Variants in RAB31 observed in about 807,000 individuals in gnomAD.
RAB31 encodes the protein ras-related protein Rab-31.
Under a neutral mutation model 25.6 loss-of-function variants are expected in RAB31, and 21 were observed. That is an observed-to-expected ratio of 0.82 (90% CI 0.58 to 1.18). The LOEUF (loss-of-function observed/expected upper bound fraction) is 1.18. RAB31 is among the 50% of genes most tolerant of loss of function. RAB31 has a pLI of 0.00. For missense variants in RAB31, 196 were observed against 250.1 expected (o/e 0.78, Z 1.46); for synonymous variants, 87 against 84.0 (o/e 1.04, Z -0.20).
chr18:9,796,266 A>G (rs1206185823), intron 3 of RAB31, among the ~76,000 whole-genome samples: 1 of 152,128 alleles, frequency 6.6e-6, no homozygotes, highest in African/African-American at 2.4e-5. Flanking sequence ...AAAACTACAC[A>G]CTGGGTACAG....
chr18:9,813,171 T>G (rs959024285), intron 3 of RAB31, among the ~76,000 whole-genome samples: 2 of 152,226 alleles, frequency 1.3e-5, no homozygotes, highest in Non-Finnish European at 2.9e-5. Context: ...GCTCCTCTGC[T>G]GTCTTGTCAT....
At position 9,832,031 on chromosome 18, in the gene RAB31, T is replaced by C. The variant is rs117474726; in HGVS notation, c.381-13551T>C. 2.6e-3 allele frequency among the ~76,000 whole-genome samples: 393 copies of C among 152,296 alleles called. 8 individuals carry two copies. In the East Asian group the frequency reaches 0.059, roughly 23 times the overall value. ...CCCCTGTGGACGGCAGTGCTAGTGA[T>C]GGACAGAATCCTGGGACTAGTGCCA... is the stretch of plus-strand genomic sequence containing the variant. On this transcript the variant is annotated intron_variant, in intron 5 of 6. Coordinates refer to ENST00000578921, the MANE Select transcript of RAB31 (RefSeq NM_006868.4).
intron 3 of RAB31, among the ~76,000 whole-genome samples, chr18:9,811,340 C>T (rs1397228445): frequency 1.3e-5 from 2 of 152,224 alleles, no homozygotes; most frequent in Non-Finnish European, 2.9e-5. Context: ...TTCCTTTCCA[C>T]ACTATTGTGA....
At chr18:9,720,837 G>T (rs185425063) in intron 1 of RAB31, among the ~76,000 whole-genome samples, 1 of 152,284 alleles carries the variant, frequency 6.6e-6, no homozygotes, top group East Asian at 1.9e-4. Flanking sequence ...CACTGGTAAT[G>T]AAATTGGAAA....
chr18:9,708,343 GGGCGCGGGCGC>G lies in RAB31; in HGVS notation c.-58_-48del. On this transcript the variant is annotated 5_prime_UTR_variant, in exon 1 of 7. Transcript: ENST00000578921. The surrounding 1 kb of genome is among the most constrained non-coding windows in gnomAD (Gnocchi z 6.4). ...GGGGCAGAGGCGAGAGACGCCGGCG[GGGCGCGGGCGC>G]GGCGGCCCCGGAGGATGCTGCTGAG... is the stretch of plus-strand genomic sequence containing the variant. 2 of 1,339,938 alleles carry G rather than the reference GGGCGCGGGCGC, an allele frequency of 1.5e-6. No individual in the cohort carries two copies. The highest frequency in any genetic ancestry group is 3.0e-5 in the African/African-American group (2 of 66,050). The allele number at this position is 1,339,938 out of a possible 1,614,324, so 83.0% of individuals were successfully genotyped here. A position where few individuals can be genotyped will look rare whatever the true frequency, so the allele number is the denominator to read the frequency against.
intron 2 of RAB31, among the ~76,000 whole-genome samples, chr18:9,789,402 G>T (rs570893512): frequency 1.3e-5 from 2 of 152,292 alleles, no homozygotes; most frequent in South Asian, 4.1e-4. Context: ...ACAACACCAA[G>T]AAATGATAAA....
chr18:9,729,419 C>T (rs1465245131), intron 1 of RAB31, among the ~76,000 whole-genome samples: 1 of 151,436 alleles, frequency 6.6e-6, no homozygotes, highest in Admixed American at 6.6e-5. Context: ...CCCAGCTACT[C>T]AGGAGACTGA....
At chr18:9,790,969 C>G (rs993985059) in intron 2 of RAB31, among the ~76,000 whole-genome samples, 7 of 152,012 alleles carry the variant, frequency 4.6e-5, no homozygotes, top group African/African-American at 1.7e-4. Context: ...AAAGAAAATG[C>G]TTTTTAAAAG....
At chr18:9,856,816 TA>T (rs2143155484) in intron 6 of RAB31, among the ~76,000 whole-genome samples, 1 of 152,318 alleles carries the variant, frequency 6.6e-6, no homozygotes, top group South Asian at 2.1e-4. Context: ...AATAATGATG[TA>T]ACTCGACACT....
chr18:9,772,981 G>A (rs1169305734), intron 1 of RAB31, among the ~76,000 whole-genome samples: 2 of 152,262 alleles, frequency 1.3e-5, no homozygotes, highest in East Asian at 1.9e-4. Context: ...AAATAGCAGC[G>A]GCATCAATTG....
chr18:9,773,599 G>T (rs1013107033), intron 1 of RAB31, among the ~76,000 whole-genome samples: 3 of 151,988 alleles, frequency 2.0e-5, no homozygotes, highest in Non-Finnish European at 4.4e-5. Context: ...TACTTTTGGG[G>T]CAACTTCCTG....
intron 5 of RAB31, among the ~76,000 whole-genome samples, chr18:9,827,299 C>T (rs938739199): frequency 1.3e-5 from 2 of 151,896 alleles, no homozygotes; most frequent in South Asian, 2.1e-4. Context: ...CAGGAAGTGC[C>T]GATGGGAGAA....
chr18:9,803,225 TTC>T (rs1344231610), intron 3 of RAB31, among the ~76,000 whole-genome samples: 2 of 150,146 alleles, frequency 1.3e-5, no homozygotes, highest in African/African-American at 2.5e-5. Context: ...CTTTCTTTTC[TTC>T]TCTTTTTCCT....
chr18:9,835,104 G>A (rs1345541226), intron 5 of RAB31, among the ~76,000 whole-genome samples: 1 of 152,198 alleles, frequency 6.6e-6, no homozygotes, highest in Non-Finnish European at 1.5e-5. Context: ...AGGAAACCGA[G>A]ACACAGGTGG....
chr18:9,815,081 G>A (rs1227761514), intron 4 of RAB31, 35 bp from the exon 5 acceptor site: 2 of 1,379,086 alleles, frequency 1.5e-6, no homozygotes, highest in African/African-American at 1.4e-5. Flanking sequence ...ATATTGAGGG[G>A]TCTTTCTAAT....
intron 3 of RAB31, among the ~76,000 whole-genome samples, chr18:9,800,122 G>A (rs911929289): frequency 1.3e-5 from 2 of 152,204 alleles, no homozygotes; most frequent in African/African-American, 4.8e-5. Context: ...CCCTGCGGGA[G>A]CCTAGAGTCA....
intron 1 of RAB31, among the ~76,000 whole-genome samples, chr18:9,733,754 C>T (rs2068135299): frequency 6.6e-6 from 1 of 152,118 alleles, no homozygotes; most frequent in Non-Finnish European, 1.5e-5. Context: ...CAGCCAGCCT[C>T]TCCGTTGCCT....
At chr18:9,841,516 G>A (rs2068733784) in intron 5 of RAB31, among the ~76,000 whole-genome samples, 1 of 142,246 alleles carries the variant, frequency 7.0e-6, no homozygotes, top group African/African-American at 2.6e-5. Context: ...TCCAGCCTGG[G>A]CGATAGAGTG....
At chr18:9,728,121 T>A (rs996533336) in intron 1 of RAB31, among the ~76,000 whole-genome samples, 20 of 152,370 alleles carry the variant, frequency 1.3e-4, no homozygotes, top group Non-Finnish European at 1.5e-5. Flanking sequence ...GGTCTATGCA[T>A]ATGCAAACAT....
Sources: gnomAD v4.1 joint callset for allele counts (sites outside exome capture counted in the v4.1 genomes callset) on GRCh38, gnomAD v4.1.1 for gene constraint, Gnocchi (gnomAD v3.1) non-coding constraint, MANE v1.5 for transcripts, NCBI Gene and HGNC (gene_info 2026-07-23, HGNC 2026-07-21) for gene names.